HERC2: variants seen among roughly 807,000 people sequenced by gnomAD.
The protein encoded by HERC2 is HECT and RLD domain containing E3 ubiquitin protein ligase 2, also known as E3 ubiquitin-protein ligase HERC2.
In HERC2, 102 loss-of-function variants were observed where a neutral mutation model predicts 537.7. That is an observed-to-expected ratio of 0.19 (90% confidence interval 0.16 to 0.22). The LOEUF is 0.22. Among genes scored for constraint, HERC2 ranks in the 10% least tolerant of loss-of-function variants. HERC2 has a pLI of 1.00. For synonymous variants in HERC2, 2,224 were observed against 2,466.2 expected (o/e 0.90, Z 2.91); for missense variants, 4,236 against 6,198.2 (o/e 0.68, Z 10.63).
chr15:28,157,399 T>C (rs976193996), intron 69 of HERC2, among the ~76,000 whole-genome samples: 4 of 152,232 alleles, frequency 2.6e-5, no homozygotes, highest in African/African-American at 9.6e-5. Context: ...TGGTAAGCTA[T>C]TAATTATTGC....
intron 85 of HERC2, 108 bp from the exon 86 acceptor site, chr15:28,121,537 G>A (rs1234151284): frequency 3.3e-6 from 3 of 912,242 alleles, no homozygotes; most frequent in Non-Finnish European, 5.3e-6. Context: ...ACCTTCTTAA[G>A]GACAGAAAAC....
chr15:28,208,741 T>C lies in HERC2; in HGVS notation c.7069+2261A>G, dbSNP rs149062367. Among the ~76,000 whole-genome samples, 216 of 152,320 alleles carry C rather than the reference T, an allele frequency of 1.4e-3. 2 individuals carry two copies. The highest frequency in any genetic ancestry group is 4.1e-4 in the Non-Finnish European group (28 of 68,034). ...TCCTCCTGGTCCACCACCAGCAAAG[T>C]GCTTGTCTGCTGGCATCTGTCTGCC... On this transcript the variant is annotated intron_variant, in intron 44 of 92. Coordinates refer to ENST00000261609, the MANE Select transcript of HERC2 (RefSeq NM_004667.6).
chr15:28,175,993 T>G (rs1895252487), intron 63 of HERC2, among the ~76,000 whole-genome samples: 1 of 152,196 alleles, frequency 6.6e-6, no homozygotes, highest in African/African-American at 2.4e-5. Flanking sequence ...CCTCGGGTCA[T>G]GACATTGGCA....
intron 37 of HERC2, 34 bp downstream of exon 37, chr15:28,220,418 T>C (rs1900399643): frequency 6.3e-7 from 1 of 1,593,326 alleles, no homozygotes; most frequent in Non-Finnish European, 8.6e-7. Context: ...GTTTGTGGGC[T>C]GCCTTGGACT....
In HERC2 at chr15:28,229,513, C is replaced by T. The variant is rs1205986325; in HGVS notation, c.5067G>A (p.Gln1689=). Residue 1689 remains glutamine, a synonymous_variant, in exon 33 of 93, where the codon CAG becomes CAA. Transcript: ENST00000261609. ...ASKNFLLPSV[Q]YAMFCGWQRL... is the part of the protein sequence containing the mutation. ...TTTGCCATCCACAAAACATCGCATA[C>T]TGCACAGATGGAAGTAAGAAATTCT... 8 of 1,613,728 alleles carry T rather than the reference C, an allele frequency of 5.0e-6. No individual in the cohort carries two copies. The highest frequency in any genetic ancestry group is 4.5e-5 in the East Asian group (2 of 44,900).
chr15:28,296,949 G>A (rs1200764090), intron 3 of HERC2, among the ~76,000 whole-genome samples: 1 of 152,126 alleles, frequency 6.6e-6, no homozygotes, highest in Admixed American at 6.5e-5. Context: ...TGATGCAACT[G>A]CTCTCTCGTT....
rs1381602544 is a variant in HERC2 at position 28,317,683 on chromosome 15, T to C, written c.72+3679A>G. Among the ~76,000 whole-genome samples the C allele has an allele frequency of 7.9e-5, 12 of 152,342 alleles. No homozygotes were observed. In the East Asian group the frequency reaches 2.1e-3, roughly 27 times the overall value. ...AAGAGAGGCAGGAGAGACATCTTTG[T>C]AGTGATGAAACAGTTCTGCATAGGA... On this transcript the variant is annotated intron_variant, in intron 2 of 92. Transcript: ENST00000261609.
intron 4 of HERC2, among the ~76,000 whole-genome samples, chr15:28,286,156 C>T (rs2076152621): frequency 6.6e-6 from 1 of 151,882 alleles, no homozygotes; most frequent in African/African-American, 2.4e-5. Flanking sequence ...AGAGGAAAAA[C>T]TTCCCAATTC....
At chr15:28,214,549 T>C (rs1362834219) in intron 40 of HERC2, 106 bp downstream of exon 40, 22 of 1,389,878 alleles carry the variant, frequency 1.6e-5, no homozygotes, top group Non-Finnish European at 1.9e-5. Context: ...GTGACGGCAC[T>C]GCGCCGCTCT....
At chr15:28,147,852 AC>A (rs1298076323) in intron 70 of HERC2, among the ~76,000 whole-genome samples, 1 of 152,100 alleles carries the variant, frequency 6.6e-6, no homozygotes, top group East Asian at 1.9e-4. Context: ...ATTGGGCAAC[AC>A]AGAGAGACTC....
intron 5 of HERC2, among the ~76,000 whole-genome samples, chr15:28,275,747 CACTCCAGCCTGCGAGACAGAGCAAG>C (rs1224025354): frequency 6.6e-6 from 1 of 151,676 alleles, no homozygotes; most frequent in Non-Finnish European, 1.5e-5. Flanking sequence ...CGCGCCACTG[CACTCCAGCCTGCGAGACAGAGCAAG>C]ACTCCATCTC....
intron 52 of HERC2, among the ~76,000 whole-genome samples, chr15:28,195,970 C>G (rs941061830): frequency 1.3e-5 from 2 of 152,170 alleles, no homozygotes; most frequent in Non-Finnish European, 2.9e-5. Context: ...TTTAATGTTT[C>G]TTTATGGAAA....
At chr15:28,128,645 A>G (rs994003353) in intron 83 of HERC2, among the ~76,000 whole-genome samples, 2 of 152,232 alleles carry the variant, frequency 1.3e-5, no homozygotes, top group Admixed American at 6.5e-5. Context: ...GGCCATGTTA[A>G]TGAAAGATGG....
At chr15:28,247,395 T>C (rs1258890992) in intron 21 of HERC2, among the ~76,000 whole-genome samples, 2 of 148,572 alleles carry the variant, frequency 1.3e-5, no homozygotes, top group African/African-American at 2.5e-5. Flanking sequence ...CTCCATAAAA[T>C]CTTCAGTTTT....
intron 5 of HERC2, among the ~76,000 whole-genome samples, chr15:28,278,365 C>A (rs904044565): frequency 6.6e-6 from 1 of 152,006 alleles, no homozygotes; most frequent in African/African-American, 2.4e-5. Flanking sequence ...AACAGTGAGA[C>A]CCCCATGTCA....
Position 28,178,874 on chromosome 15 carries a change from G to A in HERC2, c.9163+13C>T. 1.2e-6 allele frequency: 2 copies of A among 1,610,948 alleles called. No homozygotes were observed. The highest frequency in any genetic ancestry group is 1.3e-5 in the African/African-American group (1 of 75,008). ...GGCCGCCCCGCACAGGCCTCCTGGT[G>A]CTTGGCTTGTACCTGAGTGAACAGC... On this transcript the variant is annotated intron_variant, in intron 59 of 92. Coordinates refer to ENST00000261609, the MANE Select transcript of HERC2 (RefSeq NM_004667.6).
intron 4 of HERC2, among the ~76,000 whole-genome samples, chr15:28,288,848 CAAAAA>C (rs374534381): frequency 6.2e-3 from 457 of 73,986 alleles, no homozygotes; most frequent in Admixed American, 0.022. Context: ...AACTCCATCT[CAAAAA>C]AAAAAAAAAA....
chr15:28,168,723 A>C lies in HERC2; in HGVS notation c.10230-133T>G, dbSNP rs1363821314. The C allele has an allele frequency of 6.0e-6, 4 of 663,686 alleles. No individual in the cohort carries two copies. The East Asian group carries it at 1.2e-4, about 20-fold the overall frequency. 41.1% of individuals were successfully genotyped at this position (663,686 alleles called of 1,614,324 possible). A position where few individuals can be genotyped will look rare whatever the true frequency, so the allele number is the denominator to read the frequency against. ...TGAATACATGTAGAAGAGTTTTGGA[A>C]AACTACCAAACATTATTACCATGTA... is the stretch of plus-strand genomic sequence containing the variant. On this transcript the variant is annotated intron_variant, in intron 66 of 92. Transcript: ENST00000261609.
chr15:28,201,581 A>G, intron 47 of HERC2, 27 bp from the exon 48 acceptor site: 2 of 1,397,206 alleles, frequency 1.4e-6, no homozygotes, highest in South Asian at 1.2e-5. Flanking sequence ...CATTCAAACA[A>G]AAAAACAGGA....
Sources: allele counts gnomAD v4.1 joint callset (sites outside exome capture counted in the v4.1 genomes callset), GRCh38; gene constraint gnomAD v4.1.1; transcripts MANE v1.5; gene names NCBI Gene and HGNC (gene_info 2026-07-23, HGNC 2026-07-21).